Variants in UGT1A5 observed in about 807,000 individuals in gnomAD.
UGT1A5 encodes UDP glucuronosyltransferase family 1 member A5, also known as UDP-glucuronosyltransferase 1A5.
In UGT1A5, 29 loss-of-function variants were observed where a neutral mutation model predicts 40.3. That is an observed-to-expected ratio of 0.72 (90% CI 0.54 to 0.98). The LOEUF is 0.98. Among genes scored for constraint, UGT1A5 ranks in the 50% least tolerant of loss-of-function variants. The pLI, the probability that UGT1A5 is intolerant of heterozygous loss-of-function variation, is 0.00. For synonymous variants in UGT1A5, 257 were observed against 262.5 expected (o/e 0.98, Z 0.20); for missense variants, 678 against 677.9 (o/e 1.00, Z 0.00).
rs115840798 is a variant in UGT1A5 at position 233,736,595 on chromosome 2, C to T, written c.867+22737C>T. Among the ~76,000 whole-genome samples, 665 of 152,242 alleles carry T rather than the reference C, an allele frequency of 4.4e-3. 8 individuals are homozygous for T. The highest frequency in any genetic ancestry group is 0.015 in the African/African-American group (625 of 41,542). ...ATCCTTTGGAGGAGATGTGCTTATG[C>T]GCTATGGTTTTTAGAATTTTCAGCT... is the stretch of plus-strand genomic sequence containing the variant. On this transcript the variant is annotated intron_variant, in intron 1 of 4. Transcript: ENST00000373414.
chr2:233,771,905 G>T (rs1048759513), intron 4 of UGT1A5, among the ~76,000 whole-genome samples: 4 of 151,250 alleles, frequency 2.6e-5, no homozygotes, highest in Non-Finnish European at 5.9e-5. Flanking sequence ...CCTTTCAGGT[G>T]ATAATAGTAA....
intron 1 of UGT1A5, among the ~76,000 whole-genome samples, chr2:233,764,385 C>T (rs1299567681): frequency 6.6e-6 from 1 of 152,140 alleles, no homozygotes; most frequent in South Asian, 2.1e-4. Flanking sequence ...AGGAGTTGGC[C>T]GTGATGACAA....
At chr2:233,730,026 C>G (rs2077971569) in intron 1 of UGT1A5, 3 of 1,613,402 alleles carry the variant, frequency 1.9e-6, no homozygotes, top group African/African-American at 2.7e-5. Flanking sequence ...AATCAATGTT[C>G]CAGGCAAAAC....
At chr2:233,715,729 G>A (rs754544247) in intron 1 of UGT1A5, among the ~76,000 whole-genome samples, 1 of 152,122 alleles carries the variant, frequency 6.6e-6, no homozygotes, top group Non-Finnish European at 1.5e-5. Flanking sequence ...CCATGTTCAC[G>A]CCACCTCACT....
At position 233,773,123 on chromosome 2, in the gene UGT1A5, A is replaced by G. The variant is rs1700567243; in HGVS notation, c.*564A>G. On this transcript the variant is annotated 3_prime_UTR_variant, in exon 5 of 5. Transcript: ENST00000373414. ...GCATATGATTTCTTGCTTTGGGGAA[A>G]AAGAATGATGCTATGAAATTGGTGG... 6.4e-6 allele frequency: 1 copy of G among 155,124 alleles called. No homozygotes were observed. The highest frequency in any genetic ancestry group is 1.4e-5 in the Non-Finnish European group (1 of 69,730). The allele number at this position is 155,124 out of a possible 1,614,324, so 9.6% of individuals were successfully genotyped here. A position where few individuals can be genotyped will look rare whatever the true frequency, so the allele number is the denominator to read the frequency against.
chr2:233,743,698 C>T (rs368889261), intron 1 of UGT1A5: 29 of 1,367,192 alleles, frequency 2.1e-5, no homozygotes, highest in Middle Eastern at 2.1e-4. Context: ...AGCCGCCCTC[C>T]GCCCCCGCCT....
At chr2:233,722,847 T>TATGAAGACACTAC (rs1484611213) in intron 1 of UGT1A5, among the ~76,000 whole-genome samples, 1 of 139,226 alleles carries the variant, frequency 7.2e-6, no homozygotes, top group African/African-American at 2.9e-5. Flanking sequence ...GAATGTTTCT[T>TATGAAGACACTAC]TTTTTTTTTT....
Position 233,767,697 on chromosome 2 carries a change from C to A in UGT1A5, c.1000-152C>A, listed in dbSNP as rs558537555. Reference sequence around the variant, plus strand: ...CTCCAAAACAAGATGCCGGAAGTTGCCAGTCCTCAGAAGCCTTCACAGTTA... The same window carrying A: ...CTCCAAAACAAGATGCCGGAAGTTGACAGTCCTCAGAAGCCTTCACAGTTA... On this transcript the variant is annotated intron_variant, in intron 2 of 4. Coordinates refer to ENST00000373414, the MANE Select transcript of UGT1A5 (RefSeq NM_019078.2). 77 of 1,498,202 alleles carry A rather than the reference C, an allele frequency of 5.1e-5. 3 individuals carry two copies. The South Asian group carries it at 9.5e-4, about 18-fold the overall frequency. 92.8% of individuals were successfully genotyped at this position (1,498,202 alleles called of 1,614,324 possible). A position where few individuals can be genotyped will look rare whatever the true frequency, so the allele number is the denominator to read the frequency against.
At chr2:233,760,877 T>C in intron 1 of UGT1A5, 1 of 1,614,134 alleles carries the variant, frequency 6.2e-7, no homozygotes, top group South Asian at 1.1e-5. Flanking sequence ...CCCAGGCCTC[T>C]CTCCTCTCAT....
chr2:233,713,894 G>A (rs1009704522), intron 1 of UGT1A5, 36 bp downstream of exon 1: 26 of 1,613,234 alleles, frequency 1.6e-5, no homozygotes, highest in Non-Finnish European at 2.2e-5. Context: ...CAATGTTCCA[G>A]GCAAAACACT....
intron 4 of UGT1A5, among the ~76,000 whole-genome samples, 182 bp downstream of exon 4, chr2:233,768,621 C>T (rs186985441): frequency 1.7e-5 from 2 of 116,022 alleles, no homozygotes; most frequent in East Asian, 2.7e-4. Flanking sequence ...GAGTCTTGCT[C>T]TGTCACCTAG....
downstream of UGT1A5, chr2:233,773,300 AT>A (rs1228991632): frequency 6.6e-6 from 1 of 152,190 alleles, no homozygotes; most frequent in Non-Finnish European, 1.5e-5. Context: ...TATAAATTCT[AT>A]TTAAGTGTTT....
chr2:233,734,491 GT>G (rs528831440), intron 1 of UGT1A5, among the ~76,000 whole-genome samples: 1 of 151,904 alleles, frequency 6.6e-6, no homozygotes, highest in Non-Finnish European at 1.5e-5. Context: ...TTTTTTGAAG[GT>G]TTTTTTGTGT....
At position 233,755,143 on chromosome 2, in the gene UGT1A5, C is replaced by A. The variant is rs1695780518; in HGVS notation, c.868-11891C>A. On this transcript the variant is annotated intron_variant, in intron 1 of 4. Transcript: ENST00000373414. Reference sequence around the variant, plus strand: ...TCAGCCACCTGCTTGAATCTTCTCACCGCTTCCTCCCTGTCCTCGGGGTTT... The same window carrying A: ...TCAGCCACCTGCTTGAATCTTCTCAACGCTTCCTCCCTGTCCTCGGGGTTT... The A allele has an allele frequency of 1.1e-5, 14 of 1,305,072 alleles. No homozygotes were observed. The South Asian group carries it at 1.6e-4, about 15-fold the overall frequency. 80.8% of individuals were successfully genotyped at this position (1,305,072 alleles called of 1,614,324 possible). A position where few individuals can be genotyped will look rare whatever the true frequency, so the allele number is the denominator to read the frequency against.
In UGT1A5 at chr2:233,755,421, C is replaced by T. The variant is rs774443994; in HGVS notation, c.868-11613C>T. 197 of 321,386 alleles carry T rather than the reference C, an allele frequency of 6.1e-4. 1 individual carries two copies. The highest frequency in any genetic ancestry group is 1.9e-3 in the Admixed American group (45 of 23,834). 19.9% of individuals were successfully genotyped at this position (321,386 alleles called of 1,614,324 possible). On this transcript the variant is annotated intron_variant, in intron 1 of 4. Transcript: ENST00000373414. ...TCTCATTGGCCGAGGCCTGTGAGCG[C>T]CTCGCATCCCAAGATGCAGTGCTCC... is the stretch of plus-strand genomic sequence containing the variant.
intron 1 of UGT1A5, among the ~76,000 whole-genome samples, chr2:233,765,979 GCTC>G (rs2126021756): frequency 6.6e-6 from 1 of 152,256 alleles, no homozygotes; most frequent in Middle Eastern, 3.4e-3. Flanking sequence ...GATGTTTACA[GCTC>G]CTGAAGCTCC....
At chr2:233,729,021 C>G in intron 1 of UGT1A5, 4 of 1,593,202 alleles carry the variant, frequency 2.5e-6, no homozygotes, top group Non-Finnish European at 3.4e-6. Context: ...TCCAATTACA[C>G]GTTGATTTGC....
At chr2:233,758,613 T>TGCATGC (rs1429486776) in intron 1 of UGT1A5, among the ~76,000 whole-genome samples, 2 of 152,164 alleles carry the variant, frequency 1.3e-5, no homozygotes, top group Non-Finnish European at 2.9e-5. Flanking sequence ...AGTGTGCATG[T>TGCATGC]GCATGCAAAG....
chr2:233,760,803 G>T lies in UGT1A5; in HGVS notation c.868-6231G>T, dbSNP rs748734877. 2.5e-6 allele frequency: 4 copies of T among 1,613,224 alleles called. No individual in the cohort carries two copies. The highest frequency in any genetic ancestry group is 3.3e-5 in the Admixed American group (2 of 59,970). ...TGTCTCTGCCCACTGTATTCTTCTT[G>T]CATGCACTGCCATGCAGCCTGGAAT... On this transcript the variant is annotated intron_variant, in intron 1 of 4. Transcript: ENST00000373414.
Sources: gnomAD v4.1 joint callset for allele counts (sites outside exome capture counted in the v4.1 genomes callset) on GRCh38, gnomAD v4.1.1 for gene constraint, MANE v1.5 for transcripts, NCBI Gene and HGNC (gene_info 2026-07-23, HGNC 2026-07-21) for gene names.